Variants in BMPR2 observed in about 807,000 individuals in gnomAD.
BMPR2 encodes bone morphogenetic protein receptor type-2.
A neutral mutation model predicts 100.8 loss-of-function variants in BMPR2; 29 were observed. The ratio of observed to expected loss-of-function variants is 0.29; its 90% CI spans 0.21 to 0.39. The LOEUF (loss-of-function observed/expected upper bound fraction) is 0.39. Among genes scored for constraint, BMPR2 ranks in the 10% least tolerant of loss-of-function variants. The pLI is 1.00. For synonymous variants in BMPR2, 382 were observed against 442.3 expected (o/e 0.86, Z 1.71); for missense variants, 1,011 against 1,274.5 (o/e 0.79, Z 3.15).
chr2:202,511,625 T>C (rs1313845654), intron 3 of BMPR2, among the ~76,000 whole-genome samples: 1 of 152,200 alleles, frequency 6.6e-6, no homozygotes, highest in African/African-American at 2.4e-5. Context: ...AAATAATATC[T>C]CACTGTGGTA....
At chr2:202,552,461 A>G (rs1688496497) in intron 10 of BMPR2, among the ~76,000 whole-genome samples, 1 of 152,260 alleles carries the variant, frequency 6.6e-6, no homozygotes. Context: ...GGCCTTGAAG[A>G]AACATCTACG....
In BMPR2 at chr2:202,519,102, C is replaced by G. The variant is rs375336994; in HGVS notation, c.852+50C>G. The G allele has an allele frequency of 3.4e-5, 53 of 1,571,814 alleles. No individual in the cohort carries two copies. The African/African-American group carries it at 6.6e-4, about 20-fold the overall frequency. On this transcript the variant is annotated intron_variant, in intron 6 of 12. Transcript: ENST00000374580. ...TGAGGCCAGGTGTGGTGGCTTATGC[C>G]TGTAATCCCAGCACTTTTGGAGGCT...
chr2:202,442,958 C>T (rs915523663), intron 1 of BMPR2, among the ~76,000 whole-genome samples: 1 of 150,586 alleles, frequency 6.6e-6, no homozygotes, highest in Non-Finnish European at 1.5e-5. Context: ...GAAACCCTAA[C>T]TCCCAGTGTG....
chr2:202,545,572 T>A (rs1448338463), intron 10 of BMPR2, among the ~76,000 whole-genome samples: 1 of 152,212 alleles, frequency 6.6e-6, no homozygotes, highest in Non-Finnish European at 1.5e-5. Flanking sequence ...AGGACTAAAA[T>A]AATATTTCCA....
intron 1 of BMPR2, among the ~76,000 whole-genome samples, chr2:202,431,895 ACT>A (rs1023814665): frequency 6.8e-6 from 1 of 148,100 alleles, no homozygotes. Context: ...CCAATGAAAA[ACT>A]CTTTTTTTCT....
rs1574477188 is a variant in BMPR2, at chr2:202,495,171, C to T, written c.419-18548C>T. Among the ~76,000 whole-genome samples the T allele has an allele frequency of 6.6e-6, 1 of 152,318 alleles. No individual in the cohort carries two copies. The highest frequency in any genetic ancestry group is 1.9e-4 in the East Asian group (1 of 5,192). On this transcript the variant is annotated intron_variant, in intron 3 of 12. Coordinates refer to ENST00000374580, the MANE Select transcript of BMPR2 (RefSeq NM_001204.7). This position sits in a 1 kb window ranked among gnomAD's most constrained non-coding sequence, Gnocchi z 4.5. ...TAGACCCCCTTCCTTATCACAAGGA[C>T]AGAGGGATTTCTGTATCCCAGGGTT...
At position 202,443,959 on chromosome 2, in the gene BMPR2, A is replaced by G. The variant is rs1412919121; in HGVS notation, c.77-20850A>G. Among the ~76,000 whole-genome samples the G allele has an allele frequency of 3.3e-5, 5 of 150,440 alleles. 1 individual carries two copies. Among genetic ancestry groups the G allele is most frequent in the African/African-American group, 1.3e-4 (5 of 39,822 alleles). On this transcript the variant is annotated intron_variant, in intron 1 of 12. Coordinates refer to ENST00000374580, the MANE Select transcript of BMPR2 (RefSeq NM_001204.7). ...ATCCTTGACAAATGTTGGTGGTACT[A>G]CCGACTAATAACATAGTGGTACAAA...
intron 3 of BMPR2, among the ~76,000 whole-genome samples, chr2:202,482,632 A>G (rs1232955306): frequency 2.1e-5 from 3 of 145,216 alleles, no homozygotes; most frequent in Non-Finnish European, 4.5e-5. Context: ...TCCGCCTCCC[A>G]GGTTCAAGCG....
intron 1 of BMPR2, among the ~76,000 whole-genome samples, chr2:202,388,505 C>T (rs1690480447): frequency 6.6e-6 from 1 of 151,276 alleles, no homozygotes; most frequent in South Asian, 2.1e-4. Flanking sequence ...GCAAGATACG[C>T]CGGGTGCAGT....
chr2:202,481,422 G>T (rs555146753), intron 3 of BMPR2, among the ~76,000 whole-genome samples: 69 of 152,098 alleles, frequency 4.5e-4, no homozygotes, highest in Non-Finnish European at 8.4e-4. Context: ...CAGCTGATCC[G>T]CCTGCCTCAG....
chr2:202,382,077 T>G (rs1017064787), intron 1 of BMPR2, among the ~76,000 whole-genome samples: 4 of 149,652 alleles, frequency 2.7e-5, no homozygotes, highest in Non-Finnish European at 4.5e-5. Context: ...TTTTTTTTTT[T>G]GAGATGGAGT....
At chr2:202,411,666 A>G (rs1343137507) in intron 1 of BMPR2, among the ~76,000 whole-genome samples, 1 of 152,152 alleles carries the variant, frequency 6.6e-6, no homozygotes, top group Non-Finnish European at 1.5e-5. Context: ...GTGGCTTTCT[A>G]TACGTTTATT....
intron 3 of BMPR2, among the ~76,000 whole-genome samples, chr2:202,496,485 A>C (rs1395314935): frequency 6.6e-6 from 1 of 150,422 alleles, no homozygotes; most frequent in Non-Finnish European, 1.5e-5. Flanking sequence ...TCAAAAACAA[A>C]AACAAAAAAA....
rs1274917979 is a variant in BMPR2, at chr2:202,459,605, C to G, written c.77-5204C>G. 2.0e-5 allele frequency among the ~76,000 whole-genome samples: 3 copies of G among 152,096 alleles called. No individual in the cohort carries two copies. In the East Asian group the frequency reaches 5.8e-4, roughly 29 times the overall value. On this transcript the variant is annotated intron_variant, in intron 1 of 12. Transcript: ENST00000374580. ...ACCTGTGGTGTTTGGTTTTCTGTTC[C>G]TGTATTAGTTTGCTAAGGATAATGG...
intron 1 of BMPR2, among the ~76,000 whole-genome samples, chr2:202,440,376 G>T (rs964280060): frequency 6.7e-6 from 1 of 148,176 alleles, no homozygotes; most frequent in Non-Finnish European, 1.5e-5. Context: ...ACGGGGCGGC[G>T]GGGCAGAGGC....
chr2:202,536,340 C>T (rs1212448776), intron 9 of BMPR2, among the ~76,000 whole-genome samples: 1 of 151,958 alleles, frequency 6.6e-6, no homozygotes, highest in Non-Finnish European at 1.5e-5. Flanking sequence ...TCTCAAACTC[C>T]TGGGCTCAAG....
intron 1 of BMPR2, among the ~76,000 whole-genome samples, chr2:202,416,652 T>C (rs1232297506): frequency 2.0e-5 from 3 of 151,174 alleles, no homozygotes; most frequent in African/African-American, 4.9e-5. Context: ...TCTCTATGTC[T>C]TGACCTCGTG....
chr2:202,446,869 C>T (rs1434276822), intron 1 of BMPR2, among the ~76,000 whole-genome samples: 1 of 145,954 alleles, frequency 6.9e-6, no homozygotes, highest in East Asian at 2.2e-4. Flanking sequence ...CCAGGCTGGT[C>T]TCAAACTCCC....
intron 7 of BMPR2, among the ~76,000 whole-genome samples, chr2:202,524,927 G>A (rs1291010936): frequency 6.6e-6 from 1 of 151,430 alleles, no homozygotes; most frequent in Non-Finnish European, 1.5e-5. Flanking sequence ...TGTAATCCCA[G>A]GTGCTTGGGA....
Sources: allele counts gnomAD v4.1 joint callset (sites outside exome capture counted in the v4.1 genomes callset), GRCh38; gene constraint gnomAD v4.1.1; non-coding constraint Gnocchi (gnomAD v3.1); transcripts MANE v1.5; gene names NCBI Gene and HGNC (gene_info 2026-07-23, HGNC 2026-07-21).